Variants in UGT8 observed in about 807,000 individuals in gnomAD.
The protein encoded by UGT8 is UDP glycosyltransferase 8.
In UGT8, 12 loss-of-function variants were observed where a neutral mutation model predicts 40.5. The ratio of observed to expected loss-of-function variants is 0.30; its 90% CI spans 0.19 to 0.48. The LOEUF is 0.48. UGT8 is among the 20% of genes least tolerant of loss of function. UGT8 has a pLI of 0.99. For missense variants in UGT8, 513 were observed against 648.7 expected (o/e 0.79, Z 2.27); for synonymous variants, 224 against 240.4 (o/e 0.93, Z 0.63).
At position 114,668,339 on chromosome 4, in the gene UGT8, T is replaced by A. The variant is rs765173708; in HGVS notation, c.1262+35T>A. On this transcript the variant is annotated intron_variant, in intron 5 of 5. Coordinates refer to ENST00000310836, the MANE Select transcript of UGT8 (RefSeq NM_001128174.3). ...CAATTAACATTAAAGCTGATGAACTTACATACCACAGTATATTGTCAGTAG... is the reference window on the plus strand; with the variant it reads ...CAATTAACATTAAAGCTGATGAACTAACATACCACAGTATATTGTCAGTAG... The A allele has an allele frequency of 2.2e-5, 35 of 1,561,758 alleles. No individual in the cohort carries two copies. The South Asian group carries it at 3.0e-4, about 13-fold the overall frequency.
chr4:114,610,117 G>T (rs1176397051), intron 1 of UGT8, among the ~76,000 whole-genome samples: 1 of 152,072 alleles, frequency 6.6e-6, no homozygotes, highest in East Asian at 1.9e-4. Flanking sequence ...CTGACATATG[G>T]CAGTGACAAC....
At chr4:114,611,329 C>G (rs1026932533) in intron 1 of UGT8, among the ~76,000 whole-genome samples, 2 of 147,992 alleles carry the variant, frequency 1.4e-5, no homozygotes, top group African/African-American at 5.0e-5. Context: ...GATAACTGTA[C>G]CAGGCTAGTC....
rs536960728 is a variant in UGT8, at chr4:114,619,786, G to A, written c.-2-3093G>A. Reference sequence around the variant, plus strand: ...CCTCTCCTGCACTAAATGAAATCAGGAGAATACTTAGGGAAGTGAAATATC... The same window carrying A: ...CCTCTCCTGCACTAAATGAAATCAGAAGAATACTTAGGGAAGTGAAATATC... On this transcript the variant is annotated intron_variant, in intron 1 of 5. Coordinates refer to ENST00000310836, the MANE Select transcript of UGT8 (RefSeq NM_001128174.3). 7.9e-5 allele frequency among the ~76,000 whole-genome samples: 12 copies of A among 151,936 alleles called. No individual in the cohort carries two copies. The South Asian group carries it at 2.5e-3, about 32-fold the overall frequency.
chr4:114,617,427 G>A (rs879538724), intron 1 of UGT8, among the ~76,000 whole-genome samples: 4 of 152,150 alleles, frequency 2.6e-5, no homozygotes, highest in Admixed American at 2.6e-4. Flanking sequence ...CTATTAAAAT[G>A]CTTTTGGCTT....
At chr4:114,639,182 G>A (rs962687167) in intron 2 of UGT8, among the ~76,000 whole-genome samples, 1 of 152,040 alleles carries the variant, frequency 6.6e-6, no homozygotes, top group African/African-American at 2.4e-5. Flanking sequence ...ACACCCAAAT[G>A]GAAATAAAGA....
chr4:114,640,194 C>G (rs1733134600), intron 2 of UGT8, among the ~76,000 whole-genome samples: 2 of 151,878 alleles, frequency 1.3e-5, no homozygotes, highest in Admixed American at 6.5e-5. Context: ...CCACGCCTGG[C>G]TAATTTTTTG....
At chr4:114,672,723 C>T (rs1735378290) in intron 5 of UGT8, among the ~76,000 whole-genome samples, 1 of 152,108 alleles carries the variant, frequency 6.6e-6, no homozygotes, top group African/African-American at 2.4e-5. Context: ...CAGCAAACCA[C>T]CATGGCACAT....
intron 2 of UGT8, among the ~76,000 whole-genome samples, chr4:114,629,617 A>G (rs907762507): frequency 2.0e-5 from 3 of 152,220 alleles, no homozygotes; most frequent in Non-Finnish European, 2.9e-5. Context: ...TGTTAAAGAA[A>G]TCTATCCAGG....
intron 2 of UGT8, among the ~76,000 whole-genome samples, chr4:114,643,565 A>C (rs1733361439): frequency 6.6e-6 from 1 of 152,334 alleles, no homozygotes; most frequent in South Asian, 2.1e-4. Flanking sequence ...CAAACAAAAG[A>C]TAAATCACTC....
At chr4:114,665,789 T>C in intron 4 of UGT8, 33 bp downstream of exon 4, 1 of 1,559,652 alleles carries the variant, frequency 6.4e-7, no homozygotes, top group Non-Finnish European at 8.7e-7. Flanking sequence ...CTTACTTGGC[T>C]GTTAGGTTTT....
chr4:114,618,368 A>C (rs1048823082), intron 1 of UGT8, among the ~76,000 whole-genome samples: 7 of 152,200 alleles, frequency 4.6e-5, no homozygotes, highest in Non-Finnish European at 8.8e-5. Flanking sequence ...GTGCCTTTGC[A>C]AGAGTTGAGC....
At chr4:114,607,552 T>C (rs1463062419) in intron 1 of UGT8, among the ~76,000 whole-genome samples, 1 of 152,176 alleles carries the variant, frequency 6.6e-6, no homozygotes, top group Non-Finnish European at 1.5e-5. Context: ...TTTGGTGTAG[T>C]TATTCATGCC....
intron 1 of UGT8, among the ~76,000 whole-genome samples, chr4:114,604,186 T>TTTC (rs1730602749): frequency 6.6e-6 from 1 of 152,168 alleles, no homozygotes; most frequent in Admixed American, 6.5e-5. Context: ...AACCTCCAGG[T>TTTC]TTCTAATGTC....
intron 1 of UGT8, among the ~76,000 whole-genome samples, chr4:114,609,823 A>AG (rs1413516749): frequency 6.6e-6 from 1 of 152,166 alleles, no homozygotes; most frequent in Non-Finnish European, 1.5e-5. Flanking sequence ...ATCCAAAGGG[A>AG]GACTGAAGGG....
At chr4:114,665,815 A>AC in intron 4 of UGT8, 59 bp downstream of exon 4, 1 of 1,361,986 alleles carries the variant, frequency 7.3e-7, no homozygotes, top group South Asian at 1.4e-5. Context: ...CATAAATGTG[A>AC]CTTTTTTTTT....
At chr4:114,631,813 C>G (rs1188193734) in intron 2 of UGT8, among the ~76,000 whole-genome samples, 1 of 152,162 alleles carries the variant, frequency 6.6e-6, no homozygotes, top group Non-Finnish European at 1.5e-5. Context: ...AAGATTTTCT[C>G]TGTTTTAGAA....
intron 1 of UGT8, among the ~76,000 whole-genome samples, chr4:114,609,699 A>G (rs1268470095): frequency 6.6e-6 from 1 of 152,090 alleles, no homozygotes; most frequent in African/African-American, 2.4e-5. Context: ...CAGCCTCTAT[A>G]TGGGCTTTAA....
intron 2 of UGT8, among the ~76,000 whole-genome samples, chr4:114,663,388 A>G (rs1215941636): frequency 6.6e-6 from 1 of 152,068 alleles, no homozygotes; most frequent in Non-Finnish European, 1.5e-5. Flanking sequence ...AGTGGAATTA[A>G]TGTGTTCCTC....
chr4:114,660,486 A>G (rs1734447181), intron 2 of UGT8, among the ~76,000 whole-genome samples: 1 of 152,084 alleles, frequency 6.6e-6, no homozygotes, highest in Admixed American at 6.5e-5. Flanking sequence ...TTGTGGTTTT[A>G]TTCCCCCTAT....
Sources: gnomAD v4.1 joint callset for allele counts (sites outside exome capture counted in the v4.1 genomes callset) on GRCh38, gnomAD v4.1.1 for gene constraint, MANE v1.5 for transcripts, NCBI Gene and HGNC (gene_info 2026-07-23, HGNC 2026-07-21) for gene names.